CLVS2: variants seen among roughly 807,000 people sequenced by gnomAD.
CLVS2 encodes the protein clavesin 2, also known as clavesin-2.
CLVS2 carries 19 observed loss-of-function variants against 29.0 expected under a neutral mutation model. The ratio of observed to expected loss-of-function variants is 0.66; its 90% CI spans 0.46 to 0.96. The LOEUF is 0.96. Among genes scored for constraint, CLVS2 ranks in the 40% least tolerant of loss-of-function variants. The probability of loss-of-function intolerance (pLI) is 0.00; values close to 1 mark genes in which losing one functional copy is unlikely to be tolerated. For synonymous variants in CLVS2, 161 were observed against 151.3 expected, an observed-to-expected ratio of 1.06 and a Z score of -0.47; for missense variants, 294 against 404.1, an observed-to-expected ratio of 0.73 and a Z score of 2.34.
intron 2 of CLVS2, among the ~76,000 whole-genome samples, chr6:123,008,469 C>T (rs1433667695): frequency 1.3e-5 from 2 of 151,982 alleles, no homozygotes; most frequent in Non-Finnish European, 2.9e-5. Flanking sequence ...CTTACTGGTA[C>T]CTTGATTAAT....
chr6:123,061,262 A>G lies in CLVS2; in HGVS notation c.897-2412A>G, dbSNP rs575955711. ...CGGTGAGCCGAGATGGTGCCACTGC[A>G]CTCCAGCCTGGGTGACACAGTGAGT... On this transcript the variant is annotated intron_variant, in intron 5 of 5. Transcript: ENST00000275162. Among the ~76,000 whole-genome samples, 255 of 151,896 alleles carry G rather than the reference A, an allele frequency of 1.7e-3. 1 individual carries two copies. The highest frequency in any genetic ancestry group is 5.6e-3 in the African/African-American group (231 of 41,428).
intron 2 of CLVS2, among the ~76,000 whole-genome samples, chr6:123,004,695 C>T (rs1774638236): frequency 6.9e-6 from 1 of 144,304 alleles, no homozygotes; most frequent in African/African-American, 2.6e-5. Flanking sequence ...TGTAGATCAC[C>T]TGAGGTCAGG....
intron 2 of CLVS2, among the ~76,000 whole-genome samples, chr6:123,000,620 C>T (rs935823958): frequency 1.3e-5 from 2 of 152,180 alleles, no homozygotes; most frequent in Non-Finnish European, 2.9e-5. Flanking sequence ...TATTATTGCT[C>T]TGTTAGGTGG....
intron 4 of CLVS2, among the ~76,000 whole-genome samples, chr6:123,055,185 A>G (rs981329929): frequency 2.0e-5 from 3 of 152,214 alleles, no homozygotes; most frequent in African/African-American, 7.2e-5. Context: ...GATACTGGCA[A>G]CATTACAGAA....
chr6:123,006,526 T>C (rs1774671323), intron 2 of CLVS2, among the ~76,000 whole-genome samples: 1 of 152,100 alleles, frequency 6.6e-6, no homozygotes, highest in South Asian at 2.1e-4. Context: ...GCTAGGACTC[T>C]AGTAGAAAGA....
intron 5 of CLVS2, among the ~76,000 whole-genome samples, chr6:123,058,664 T>A (rs117355353): frequency 0.013 from 2,006 of 152,282 alleles, 25 homozygotes; most frequent in South Asian, 0.059. Context: ...TATTTTTGTT[T>A]TTTTGAGGCA....
chr6:123,046,623 C>T (rs112179601), intron 3 of CLVS2, among the ~76,000 whole-genome samples: 7 of 149,554 alleles, frequency 4.7e-5, no homozygotes, highest in African/African-American at 1.7e-4. Flanking sequence ...TGCGCCACTG[C>T]ACTCTAGCCT....
rs1772965217 is a variant in CLVS2, at chr6:123,072,569, T to A, written c.*8808T>A. 6.6e-6 allele frequency: 1 copy of A among 152,132 alleles called. No homozygotes were observed. Among genetic ancestry groups the A allele is most frequent in the Non-Finnish European group, 1.5e-5 (1 of 67,986 alleles). 9.4% of individuals were successfully genotyped at this position (152,132 alleles called of 1,614,324 possible). On this transcript the variant is annotated 3_prime_UTR_variant, in exon 6 of 6. Transcript: ENST00000275162. ...GTACAGTGGAAACCATTTCCCTCTG[T>A]GATATCCTTTTTTGCCAACCTATAT... is the stretch of plus-strand genomic sequence containing the variant.
chr6:123,031,542 C>T (rs912470889), intron 3 of CLVS2, among the ~76,000 whole-genome samples: 5 of 152,140 alleles, frequency 3.3e-5, no homozygotes, highest in African/African-American at 1.2e-4. Context: ...CAAATAGTAA[C>T]CATATGAGGT....
chr6:123,038,182 T>TA (rs1775180880), intron 3 of CLVS2, among the ~76,000 whole-genome samples: 1 of 152,202 alleles, frequency 6.6e-6, no homozygotes, highest in African/African-American at 2.4e-5. Context: ...GATCCATTCC[T>TA]AATGCTATTT....
At chr6:123,005,750 G>A (rs1421370981) in intron 2 of CLVS2, among the ~76,000 whole-genome samples, 2 of 152,132 alleles carry the variant, frequency 1.3e-5, no homozygotes, top group Non-Finnish European at 2.9e-5. Flanking sequence ...CAGGCAGGGT[G>A]CCACCCCTCC....
At chr6:123,010,852 T>G in intron 2 of CLVS2, 133 bp from the exon 3 acceptor site, 1 of 532,836 alleles carries the variant, frequency 1.9e-6, no homozygotes, top group East Asian at 3.3e-5. Context: ...CTAAAATAGG[T>G]TTTTAAACAA....
chr6:123,016,577 T>A (rs1582647772), intron 3 of CLVS2, among the ~76,000 whole-genome samples: 3 of 152,030 alleles, frequency 2.0e-5, no homozygotes, highest in Admixed American at 2.0e-4. Flanking sequence ...CCAGACTCCA[T>A]CTGCCAATAA....
At chr6:123,047,457 T>C (rs1772533623) in intron 3 of CLVS2, among the ~76,000 whole-genome samples, 4 of 152,132 alleles carry the variant, frequency 2.6e-5, no homozygotes, top group Admixed American at 6.5e-5. Flanking sequence ...TTCTCAGAGG[T>C]AGAAGTTGCT....
At chr6:123,057,408 G>T (rs543710391) in intron 5 of CLVS2, among the ~76,000 whole-genome samples, 1 of 133,080 alleles carries the variant, frequency 7.5e-6, no homozygotes, top group African/African-American at 2.8e-5. Flanking sequence ...GTGCAATGGC[G>T]CGATCATGAT....
intron 5 of CLVS2, among the ~76,000 whole-genome samples, 164 bp downstream of exon 5, chr6:123,056,190 G>C (rs776441601): frequency 2.0e-5 from 3 of 152,122 alleles, no homozygotes; most frequent in Non-Finnish European, 4.4e-5. Flanking sequence ...CAAAGATAAA[G>C]TCATTTTCTT....
rs897145677 is a variant in CLVS2 at position 123,004,013 on chromosome 6, T to C, written c.389+5847T>C. On this transcript the variant is annotated intron_variant, in intron 2 of 5. Coordinates refer to ENST00000275162, the MANE Select transcript of CLVS2 (RefSeq NM_001010852.4). ...CTAAATCTAGGGAAAGGCAAATGTATAAAAAAAATCAAATTCTGATAATTA... is the reference window on the plus strand; with the variant it reads ...CTAAATCTAGGGAAAGGCAAATGTACAAAAAAAATCAAATTCTGATAATTA... Among the ~76,000 whole-genome samples the C allele has an allele frequency of 2.7e-4, 41 of 151,928 alleles. 1 individual carries two copies. The highest frequency in any genetic ancestry group is 2.4e-3 in the Admixed American group (37 of 15,230).
At chr6:123,049,591 C>A (rs1009335120) in intron 4 of CLVS2, among the ~76,000 whole-genome samples, 2 of 152,158 alleles carry the variant, frequency 1.3e-5, no homozygotes, top group African/African-American at 4.8e-5. Flanking sequence ...ATGTATAGAG[C>A]TATTTTTACT....
chr6:123,072,880 G>A lies in CLVS2; in HGVS notation c.*9119G>A, dbSNP rs1390952810. On this transcript the variant is annotated 3_prime_UTR_variant, in exon 6 of 6. Transcript: ENST00000275162. Reference sequence around the variant, plus strand: ...ACTATTGTCTTTTTTGATTTCTGAGGATGAATGAAGTACTGTTAAATAAAA... The same window carrying A: ...ACTATTGTCTTTTTTGATTTCTGAGAATGAATGAAGTACTGTTAAATAAAA... 1 of 151,758 alleles carries A rather than the reference G, an allele frequency of 6.6e-6. No homozygotes were observed. The highest frequency in any genetic ancestry group is 2.4e-5 in the African/African-American group (1 of 41,318). The allele number at this position is 151,758 out of a possible 1,614,324, so 9.4% of individuals were successfully genotyped here. A position where few individuals can be genotyped will look rare whatever the true frequency, so the allele number is the denominator to read the frequency against.
Sources: gnomAD v4.1 joint callset for allele counts (sites outside exome capture counted in the v4.1 genomes callset) on GRCh38, gnomAD v4.1.1 for gene constraint, MANE v1.5 for transcripts, NCBI Gene and HGNC (gene_info 2026-07-23, HGNC 2026-07-21) for gene names.